The following CKAP5 variants were observed in gnomAD, a reference collection of about 807,000 sequenced individuals.
CKAP5 encodes cytoskeleton-associated protein 5.
CKAP5 carries 27 observed loss-of-function variants against 232.8 expected under a neutral mutation model. The observed-to-expected ratio is 0.12, with a 90% confidence interval of 0.09 to 0.16. The LOEUF is 0.16. Among genes scored for constraint, CKAP5 ranks in the 10% least tolerant of loss-of-function variants. The pLI, the probability that CKAP5 is intolerant of heterozygous loss-of-function variation, is 1.00. For synonymous variants in CKAP5, 785 were observed against 841.1 expected (o/e 0.93, Z 1.16); for missense variants, 1,838 against 2,424.7 (o/e 0.76, Z 5.08).
intron 1 of CKAP5, 139 bp downstream of exon 1, chr11:46,846,081 C>G (rs1940183821): frequency 6.6e-6 from 1 of 152,126 alleles, no homozygotes; most frequent in South Asian, 2.1e-4. Flanking sequence ...GCTTCGCCGC[C>G]TCAGACCTGC....
intron 35 of CKAP5, among the ~76,000 whole-genome samples, chr11:46,757,082 TA>T (rs2065115787): frequency 6.6e-6 from 1 of 152,004 alleles, no homozygotes; most frequent in African/African-American, 2.4e-5. Context: ...TGAATCTTTA[TA>T]AAATGTCCTT....
At chr11:46,797,525 G>C (rs1308630145) in intron 11 of CKAP5, among the ~76,000 whole-genome samples, 1 of 151,950 alleles carries the variant, frequency 6.6e-6, no homozygotes, top group East Asian at 1.9e-4. Context: ...CTCCACATTT[G>C]ATGCCTATGC....
chr11:46,837,472 A>C lies in CKAP5; in HGVS notation c.-38+8748T>G, dbSNP rs548490279. On this transcript the variant is annotated intron_variant, in intron 1 of 43. Transcript: ENST00000529230. Reference sequence around the variant, plus strand: ...ATATATTTCTTTGCTCTAACAGTTGAAAGGACCTAAAAGAAATGACACCCC... The same window carrying C: ...ATATATTTCTTTGCTCTAACAGTTGCAAGGACCTAAAAGAAATGACACCCC... Among the ~76,000 whole-genome samples, 13 of 152,302 alleles carry C rather than the reference A, an allele frequency of 8.5e-5. No individual in the cohort carries two copies. In the South Asian group the frequency reaches 2.7e-3, roughly 32 times the overall value.
At chr11:46,761,849 G>A in intron 32 of CKAP5, 151 bp downstream of exon 32, 1 of 573,318 alleles carries the variant, frequency 1.7e-6, no homozygotes, top group South Asian at 2.5e-5. Context: ...CACCTCAAGG[G>A]TCTATCTGGA....
chr11:46,750,132 C>T (rs754953367), intron 42 of CKAP5, 142 bp downstream of exon 42: 80 of 725,864 alleles, frequency 1.1e-4, no homozygotes, highest in Non-Finnish European at 1.6e-4. Flanking sequence ...GAATTGACCA[C>T]TGGATATAGC....
At chr11:46,788,609 T>C (rs1210934241) in intron 16 of CKAP5, 72 bp downstream of exon 16, 16 of 886,354 alleles carry the variant, frequency 1.8e-5, no homozygotes, top group Non-Finnish European at 2.7e-5. Flanking sequence ...ACTATTCTGC[T>C]GTATTACTCC....
chr11:46,809,477 G>T lies in CKAP5; in HGVS notation c.787C>A (p.Pro263Thr). 6.2e-7 allele frequency: 1 copy of T among 1,612,812 alleles called. No homozygotes were observed. Among genetic ancestry groups the T allele is most frequent in the Non-Finnish European group, 8.5e-7 (1 of 1,179,182 alleles). The change falls in exon 7 of 44, where the codon CCA (proline) becomes ACA (threonine). Residue 263 changes from proline (P) to threonine (T), a missense_variant. Pro to Thr is a conservative substitution (Grantham distance 38). Transcript: ENST00000529230. ...EGGGDDGDEVPQIDAYELLEA... is the reference protein window; with the variant it reads ...EGGGDDGDEVTQIDAYELLEA... ...AAAAGCTCATAAGCATCTATTTGTG[G>T]CACCTCATCACCATCATCACCACCT...
intron 8 of CKAP5, among the ~76,000 whole-genome samples, chr11:46,805,541 C>T (rs1185044640): frequency 1.3e-5 from 2 of 152,102 alleles, no homozygotes; most frequent in Non-Finnish European, 2.9e-5. Flanking sequence ...CACCATTTCC[C>T]CACTTTTTTC....
At chr11:46,768,985 T>C (rs1231714486) in intron 26 of CKAP5, among the ~76,000 whole-genome samples, 4 of 152,136 alleles carry the variant, frequency 2.6e-5, no homozygotes, top group Non-Finnish European at 5.9e-5. Flanking sequence ...ACTGGCGTGA[T>C]CTTGGCTTAC....
chr11:46,759,202 G>A (rs2065136198), intron 34 of CKAP5, 67 bp downstream of exon 34: 5 of 1,533,246 alleles, frequency 3.3e-6, no homozygotes, highest in African/African-American at 1.4e-5. Flanking sequence ...ATTACAAAGG[G>A]CACATTTCAC....
chr11:46,771,161 G>A (rs763089768), intron 24 of CKAP5, among the ~76,000 whole-genome samples, 179 bp from the exon 25 acceptor site: 6 of 152,148 alleles, frequency 3.9e-5, no homozygotes, highest in Non-Finnish European at 7.3e-5. Flanking sequence ...AATAACATAT[G>A]CAATGATGAC....
chr11:46,791,044 C>T (rs918705861), intron 13 of CKAP5, among the ~76,000 whole-genome samples: 2 of 151,988 alleles, frequency 1.3e-5, no homozygotes, highest in African/African-American at 4.8e-5. Context: ...ATTTTTTGTA[C>T]CTACAAAATT....
Position 46,743,121 on chromosome 11 carries a change from C to T in CKAP5, c.*902G>A, listed in dbSNP as rs1356262267. 1 of 152,172 alleles carries T rather than the reference C, an allele frequency of 6.6e-6. No homozygotes were observed. Among genetic ancestry groups the T allele is most frequent in the Non-Finnish European group, 1.5e-5 (1 of 68,058 alleles). 9.4% of individuals were successfully genotyped at this position (152,172 alleles called of 1,614,324 possible). ...ACTCATACAACCAAGCAGCAAACCA[C>T]TAAGATTTCCCAAACTCCATTAGTC... is the stretch of plus-strand genomic sequence containing the variant. On this transcript the variant is annotated 3_prime_UTR_variant, in exon 44 of 44. Transcript: ENST00000529230.
intron 26 of CKAP5, among the ~76,000 whole-genome samples, 176 bp from the exon 27 acceptor site, chr11:46,767,839 G>A (rs1307607217): frequency 6.6e-6 from 1 of 151,982 alleles, no homozygotes; most frequent in African/African-American, 2.4e-5. Flanking sequence ...CTCCCAGGCT[G>A]GAGTACAGTG....
At chr11:46,781,892 C>T (rs547820740) in intron 18 of CKAP5, among the ~76,000 whole-genome samples, 1 of 152,300 alleles carries the variant, frequency 6.6e-6, no homozygotes, top group African/African-American at 2.4e-5. Flanking sequence ...ATGGCATGAT[C>T]TTGGCTCACT....
At chr11:46,761,597 C>T (rs1462149658) in intron 32 of CKAP5, among the ~76,000 whole-genome samples, 8 of 152,272 alleles carry the variant, frequency 5.3e-5, no homozygotes, top group African/African-American at 1.7e-4. Context: ...AACTGGCTCA[C>T]GGCTGTAGCG....
rs2065311740 is a variant in CKAP5 at position 46,778,616 on chromosome 11, G to A, written c.2434-17C>T. 6.2e-7 allele frequency: 1 copy of A among 1,609,908 alleles called. No homozygotes were observed. Among genetic ancestry groups the A allele is most frequent in the Non-Finnish European group, 8.5e-7 (1 of 1,177,532 alleles). ...TCCCTGCATCTATACACAAATGAAT[G>A]AGTAAGGCTAATGAAATTTATATAG... On this transcript the variant is annotated splice_polypyrimidine_tract_variant and intron_variant, in intron 20 of 43. Coordinates refer to ENST00000529230, the MANE Select transcript of CKAP5 (RefSeq NM_001008938.4).
chr11:46,761,663 T>G (rs141808326), intron 32 of CKAP5, among the ~76,000 whole-genome samples: 109 of 152,288 alleles, frequency 7.2e-4, no homozygotes, highest in African/African-American at 2.6e-3. Flanking sequence ...AAGCACTTTT[T>G]AACCAAAAAC....
intron 29 of CKAP5, 63 bp from the exon 30 acceptor site, chr11:46,763,242 G>A: frequency 1.4e-5 from 19 of 1,323,848 alleles, no homozygotes; most frequent in Non-Finnish European, 2.0e-5. Context: ...ATTCTACTAG[G>A]CAAGTGTCTT....
Sources: gnomAD v4.1 joint callset for allele counts (sites outside exome capture counted in the v4.1 genomes callset) on GRCh38, gnomAD v4.1.1 for gene constraint, MANE v1.5 for transcripts, NCBI Gene and HGNC (gene_info 2026-07-23, HGNC 2026-07-21) for gene names.